ABLIM1: variants seen among roughly 807,000 people sequenced by gnomAD.
ABLIM1 encodes actin-binding LIM protein 1.
Under a neutral mutation model 107.0 loss-of-function variants are expected in ABLIM1, and 40 were observed. That is an observed-to-expected ratio of 0.37 (90% CI 0.29 to 0.49). The LOEUF is 0.49. Ranked by LOEUF, ABLIM1 falls within the 20% of genes least tolerant of loss-of-function variation. ABLIM1 has a pLI of 0.97. For missense variants in ABLIM1, 857 were observed against 1,008.5 expected (o/e 0.85, Z 2.04); for synonymous variants, 357 against 357.3 (o/e 1.00, Z 0.01).
Position 114,432,180 on chromosome 10 carries a change from T to C in ABLIM1, c.*4080A>G, listed in dbSNP as rs908010343. 5 of 152,174 alleles carry C rather than the reference T, an allele frequency of 3.3e-5. No homozygotes were observed. Among genetic ancestry groups the C allele is most frequent in the African/African-American group, 9.7e-5 (4 of 41,442 alleles). 9.4% of individuals were successfully genotyped at this position (152,174 alleles called of 1,614,324 possible). A position where few individuals can be genotyped will look rare whatever the true frequency, so the allele number is the denominator to read the frequency against. ...TTGGGGCATACTGACAAACACTTCATTGGTTAGAAGAGAATAATTGTAAAA... is the reference window on the plus strand; with the variant it reads ...TTGGGGCATACTGACAAACACTTCACTGGTTAGAAGAGAATAATTGTAAAA... On this transcript the variant is annotated 3_prime_UTR_variant, in exon 23 of 23. Coordinates refer to ENST00000533213, the MANE Select transcript of ABLIM1 (RefSeq NM_002313.7).
intron 7 of ABLIM1, among the ~76,000 whole-genome samples, chr10:114,488,303 G>A (rs1356742522): frequency 6.6e-6 from 1 of 152,028 alleles, no homozygotes; most frequent in Non-Finnish European, 1.5e-5. Context: ...TCTTAATCGT[G>A]TCTTGTTATT....
rs531298282 is a variant in ABLIM1 at position 114,520,175 on chromosome 10, T to G, written c.894+24830A>C. ...CACCTCAACTCTCTATAGACAGAAGTCTTAATCATTTTAGAATTGGCTCCA... is the reference window on the plus strand; with the variant it reads ...CACCTCAACTCTCTATAGACAGAAGGCTTAATCATTTTAGAATTGGCTCCA... On this transcript the variant is annotated intron_variant, in intron 6 of 22. Coordinates refer to ENST00000533213, the MANE Select transcript of ABLIM1 (RefSeq NM_002313.7). Among the ~76,000 whole-genome samples the G allele has an allele frequency of 3.3e-5, 5 of 152,250 alleles. No homozygotes were observed. The South Asian group carries it at 1.0e-3, about 32-fold the overall frequency.
intron 6 of ABLIM1, among the ~76,000 whole-genome samples, chr10:114,511,005 C>T (rs1348036920): frequency 6.6e-6 from 1 of 151,978 alleles, no homozygotes; most frequent in Non-Finnish European, 1.5e-5. Context: ...TGTGCTCCTA[C>T]AGCATTTATT....
At chr10:114,669,574 T>C (rs2080165898) in intron 1 of ABLIM1, among the ~76,000 whole-genome samples, 1 of 152,226 alleles carries the variant, frequency 6.6e-6, no homozygotes, top group African/African-American at 2.4e-5. Context: ...TCAAGGCAAT[T>C]CAATCAGCAT....
intron 6 of ABLIM1, among the ~76,000 whole-genome samples, chr10:114,544,202 C>A (rs546571876): frequency 3.3e-5 from 5 of 152,328 alleles, no homozygotes; most frequent in African/African-American, 1.2e-4. Flanking sequence ...TAGTCATCCC[C>A]CTAGTTGTGG....
At chr10:114,566,019 T>C (rs1253945610) in intron 4 of ABLIM1, among the ~76,000 whole-genome samples, 1 of 152,026 alleles carries the variant, frequency 6.6e-6, no homozygotes, top group East Asian at 1.9e-4. Flanking sequence ...ATGGTCTCTA[T>C]CTCCTGACCT....
chr10:114,632,160 G>C, intron 1 of ABLIM1: 1 of 985,350 alleles, frequency 1.0e-6, no homozygotes, highest in South Asian at 4.7e-5. Flanking sequence ...CTGCAGCCGC[G>C]CCCAGCTCGG....
At chr10:114,792,362 G>A in the ABLIM1 span, among the ~76,000 whole-genome samples, 1 of 152,196 alleles carries the variant, frequency 6.6e-6, no homozygotes, top group African/African-American at 2.4e-5. Context: ...AGTGAATGGT[G>A]GACACAGGTT....
chr10:114,518,108 A>G (rs1231569317), intron 6 of ABLIM1, among the ~76,000 whole-genome samples: 1 of 152,218 alleles, frequency 6.6e-6, no homozygotes, highest in African/African-American at 2.4e-5. Context: ...GTAGAACAAC[A>G]TGCATAAAAC....
At chr10:114,495,575 T>A (rs1033804630) in intron 6 of ABLIM1, among the ~76,000 whole-genome samples, 2 of 152,036 alleles carry the variant, frequency 1.3e-5, no homozygotes, top group Non-Finnish European at 2.9e-5. Context: ...GTGATGATGA[T>A]GGTAATGATG....
chr10:114,597,745 T>C (rs73362823), intron 2 of ABLIM1, among the ~76,000 whole-genome samples: 4,288 of 152,192 alleles, frequency 0.028, 184 homozygotes, highest in African/African-American at 0.099. Flanking sequence ...TCAGTAAGTC[T>C]GCTGAAAACA....
At chr10:114,596,406 C>T (rs1392503248) in intron 2 of ABLIM1, among the ~76,000 whole-genome samples, 1 of 152,188 alleles carries the variant, frequency 6.6e-6, no homozygotes, top group Admixed American at 6.5e-5. Context: ...GTTCAATTAA[C>T]ATTTAGTAAA....
At chr10:114,498,425 T>C (rs913676539) in intron 6 of ABLIM1, among the ~76,000 whole-genome samples, 1 of 152,162 alleles carries the variant, frequency 6.6e-6, no homozygotes, top group Non-Finnish European at 1.5e-5. Flanking sequence ...CCTGAGCCCA[T>C]GTAATATGCT....
intron 2 of ABLIM1, among the ~76,000 whole-genome samples, chr10:114,597,725 G>A (rs2075568695): frequency 6.6e-6 from 1 of 152,196 alleles, no homozygotes. Flanking sequence ...CCCACCATTA[G>A]CCTAGACCTT....
the ABLIM1 span, chr10:114,777,875 C>A: frequency 6.6e-6 from 1 of 152,230 alleles, no homozygotes; most frequent in East Asian, 1.9e-4. Context: ...TTCATTGTTT[C>A]CACAGCTCTC....
intron 1 of ABLIM1, among the ~76,000 whole-genome samples, chr10:114,663,527 C>T (rs2079880920): frequency 6.6e-6 from 1 of 152,214 alleles, no homozygotes; most frequent in Non-Finnish European, 1.5e-5. Flanking sequence ...AAAGACAAAA[C>T]ACACTCTGGC....
chr10:114,738,788 A>G (rs2082232698), intron 1 of ABLIM1, among the ~76,000 whole-genome samples: 1 of 152,176 alleles, frequency 6.6e-6, no homozygotes, highest in Non-Finnish European at 1.5e-5. Flanking sequence ...CGATAAAAAA[A>G]AAAAAGTAGG....
chr10:114,708,118 G>C (rs1020374837), intron 1 of ABLIM1, among the ~76,000 whole-genome samples: 9 of 152,136 alleles, frequency 5.9e-5, no homozygotes, highest in African/African-American at 1.9e-4. Flanking sequence ...AGTCACTAAG[G>C]AGAAGAGCGT....
rs1590112486 is a variant in ABLIM1 at position 114,473,209 on chromosome 10, T to C, written c.1120-77A>G. On this transcript the variant is annotated intron_variant, in intron 9 of 22. Coordinates refer to ENST00000533213, the MANE Select transcript of ABLIM1 (RefSeq NM_002313.7). ...GAAACTGTAGTTGGCGCATTTCCTGTTGTTTAAAAAGTGAAGGCCTTAAAA... is the reference window on the plus strand; with the variant it reads ...GAAACTGTAGTTGGCGCATTTCCTGCTGTTTAAAAAGTGAAGGCCTTAAAA... 2.8e-6 allele frequency: 4 copies of C among 1,449,636 alleles called. No individual in the cohort carries two copies. In the East Asian group the frequency reaches 9.3e-5, roughly 34 times the overall value. 89.8% of individuals were successfully genotyped at this position (1,449,636 alleles called of 1,614,324 possible).
Sources: allele counts gnomAD v4.1 joint callset (sites outside exome capture counted in the v4.1 genomes callset), GRCh38; gene constraint gnomAD v4.1.1; transcripts MANE v1.5; gene names NCBI Gene and HGNC (gene_info 2026-07-23, HGNC 2026-07-21).